The following TMEM178B variants were observed in gnomAD, a reference collection of about 807,000 sequenced individuals.
TMEM178B encodes transmembrane protein 178B.
In TMEM178B, 5 loss-of-function variants were observed where a neutral mutation model predicts 31.0. The observed-to-expected ratio is 0.16, with a 90% confidence interval of 0.08 to 0.34. The LOEUF is 0.34. Among genes scored for constraint, TMEM178B ranks in the 10% least tolerant of loss-of-function variants. TMEM178B has a pLI of 1.00. For synonymous variants in TMEM178B, 164 were observed against 164.0 expected, an observed-to-expected ratio of 1.00 and a Z score of 0.00; for missense variants, 275 against 400.3, an observed-to-expected ratio of 0.69 and a Z score of 2.67.
At chr7:141,327,620 G>C (rs1799216345) in intron 2 of TMEM178B, among the ~76,000 whole-genome samples, 1 of 152,138 alleles carries the variant, frequency 6.6e-6, no homozygotes, top group African/African-American at 2.4e-5. Flanking sequence ...TGGTTTCTAT[G>C]TGTCCCAGAA....
At chr7:141,353,558 C>T (rs957370319) in intron 2 of TMEM178B, among the ~76,000 whole-genome samples, 3 of 152,324 alleles carry the variant, frequency 2.0e-5, no homozygotes, top group Non-Finnish European at 2.9e-5. Context: ...GCAGGTCATT[C>T]TCAAAATTAC....
At chr7:141,481,448 G>C (rs567633508), downstream of TMEM178B, among the ~76,000 whole-genome samples, 1 of 152,292 alleles carries the variant, frequency 6.6e-6, no homozygotes, top group East Asian at 1.9e-4. Context: ...CTGCATCTCC[G>C]TGTGGTAGAT....
intron 1 of TMEM178B, among the ~76,000 whole-genome samples, chr7:141,158,222 A>G (rs1046342729): frequency 3.9e-5 from 6 of 152,156 alleles, no homozygotes; most frequent in Admixed American, 1.3e-4. Flanking sequence ...CAGCCCCCCA[A>G]GTAGACAGGA....
intron 2 of TMEM178B, among the ~76,000 whole-genome samples, chr7:141,404,303 TCAAAAA>T (rs750591891): frequency 2.0e-5 from 3 of 152,000 alleles, no homozygotes; most frequent in Non-Finnish European, 2.9e-5. Flanking sequence ...AGACTCCATC[TCAAAAA>T]CAAAAACAAA....
chr7:141,176,579 G>C (rs563406632), intron 1 of TMEM178B, among the ~76,000 whole-genome samples: 1 of 152,056 alleles, frequency 6.6e-6, no homozygotes, highest in South Asian at 2.1e-4. Context: ...CTGTGAATCC[G>C]TCTGGTCCTG....
chr7:141,340,898 A>G (rs1799505448), intron 2 of TMEM178B, among the ~76,000 whole-genome samples: 2 of 152,170 alleles, frequency 1.3e-5, no homozygotes, highest in African/African-American at 4.8e-5. Context: ...TATTTTTTCA[A>G]TAATGTATGA....
intron 1 of TMEM178B, among the ~76,000 whole-genome samples, chr7:141,088,508 G>A (rs1168549431): frequency 1.3e-5 from 2 of 152,100 alleles, no homozygotes; most frequent in Admixed American, 1.3e-4. Context: ...TCCTGGATCA[G>A]TCTCAGCCAC....
chr7:141,219,408 C>T (rs947003143), intron 2 of TMEM178B, among the ~76,000 whole-genome samples: 9 of 152,212 alleles, frequency 5.9e-5, no homozygotes, highest in Non-Finnish European at 1.3e-4. Context: ...CATCGGTGCT[C>T]AGCCAGTATG....
intron 2 of TMEM178B, among the ~76,000 whole-genome samples, chr7:141,286,574 A>T (rs2116412064): frequency 6.6e-6 from 1 of 152,308 alleles, no homozygotes; most frequent in East Asian, 1.9e-4. Context: ...GACCCTTCCA[A>T]GCTTGGGTCA....
chr7:141,362,571 C>A (rs1799934389), intron 2 of TMEM178B, among the ~76,000 whole-genome samples: 1 of 151,952 alleles, frequency 6.6e-6, no homozygotes, highest in African/African-American at 2.4e-5. Context: ...AAGAAAAGTG[C>A]TCTGTGGAAC....
chr7:141,458,213 G>A (rs1333294128), intron 3 of TMEM178B, among the ~76,000 whole-genome samples: 6 of 152,138 alleles, frequency 3.9e-5, no homozygotes, highest in Admixed American at 6.5e-5. Flanking sequence ...TTCGTCTCCC[G>A]GGTTCAAGCA....
At chr7:141,245,929 G>A (rs1797723616) in intron 2 of TMEM178B, among the ~76,000 whole-genome samples, 1 of 152,116 alleles carries the variant, frequency 6.6e-6, no homozygotes, top group South Asian at 2.1e-4. Context: ...ACCTCACTCT[G>A]GAACCACCGT....
At chr7:141,431,695 A>C (rs924506150) in intron 2 of TMEM178B, among the ~76,000 whole-genome samples, 14 of 152,290 alleles carry the variant, frequency 9.2e-5, no homozygotes, top group Admixed American at 3.3e-4. Flanking sequence ...GGCCAGTCCC[A>C]CATCATATTT....
chr7:141,402,801 C>T (rs1352977908), intron 2 of TMEM178B, among the ~76,000 whole-genome samples: 1 of 152,234 alleles, frequency 6.6e-6, no homozygotes, highest in African/African-American at 2.4e-5. Context: ...GCACTGGAGG[C>T]CTGAGTGCTG....
intron 1 of TMEM178B, among the ~76,000 whole-genome samples, chr7:141,182,674 ACT>A (rs1796549624): frequency 6.6e-6 from 1 of 152,046 alleles, no homozygotes; most frequent in African/African-American, 2.4e-5. Flanking sequence ...AGTAATCCCC[ACT>A]GTCAAGGGTG....
At position 141,196,317 on chromosome 7, in the gene TMEM178B, T is replaced by C. The variant is rs190852715; in HGVS notation, c.383-16274T>C. On this transcript the variant is annotated intron_variant, in intron 1 of 3. Coordinates refer to ENST00000565468, the MANE Select transcript of TMEM178B (RefSeq NM_001195278.2). ...CAATGCTGTATTGAATATCCTTGTA[T>C]ATATGTCCTCCTCAGCCACACATGT... 4.6e-5 allele frequency among the ~76,000 whole-genome samples: 7 copies of C among 152,348 alleles called. No individual in the cohort carries two copies. In the East Asian group the frequency reaches 1.3e-3, roughly 29 times the overall value.
chr7:141,346,749 G>A (rs1799626844), intron 2 of TMEM178B, among the ~76,000 whole-genome samples: 1 of 152,054 alleles, frequency 6.6e-6, no homozygotes. Flanking sequence ...ACAGTGTGTG[G>A]TACACACACA....
At chr7:141,354,730 T>C (rs566367841) in intron 2 of TMEM178B, among the ~76,000 whole-genome samples, 1 of 152,200 alleles carries the variant, frequency 6.6e-6, no homozygotes, top group Non-Finnish European at 1.5e-5. Flanking sequence ...GTTTCGTGGT[T>C]CCTATTTGTT....
chr7:141,505,631 C>T, the TMEM178B span, among the ~76,000 whole-genome samples: 1 of 152,194 alleles, frequency 6.6e-6, no homozygotes, highest in Non-Finnish European at 1.5e-5. Flanking sequence ...CTTTGCTGCT[C>T]CCTCAACTCT....
Sources: gnomAD v4.1 joint callset for allele counts (sites outside exome capture counted in the v4.1 genomes callset) on GRCh38, gnomAD v4.1.1 for gene constraint, MANE v1.5 for transcripts, NCBI Gene and HGNC (gene_info 2026-07-23, HGNC 2026-07-21) for gene names.